The following PSME4 variants were observed in gnomAD, a reference collection of about 807,000 sequenced individuals.
PSME4 encodes proteasome activator subunit 4.
PSME4 carries 89 observed loss-of-function variants against 253.9 expected under a neutral mutation model. The ratio of observed to expected loss-of-function variants is 0.35; its 90% CI spans 0.30 to 0.42. The LOEUF (loss-of-function observed/expected upper bound fraction) is 0.42. Among genes scored for constraint, PSME4 ranks in the 10% least tolerant of loss-of-function variants. PSME4 has a pLI of 1.00. For synonymous variants in PSME4, 851 were observed against 759.2 expected (o/e 1.12, Z -1.99); for missense variants, 2,014 against 2,195.2 (o/e 0.92, Z 1.65).
chr2:53,918,191 G>A (rs1427736085), intron 20 of PSME4, among the ~76,000 whole-genome samples: 2 of 152,102 alleles, frequency 1.3e-5, no homozygotes, highest in Non-Finnish European at 2.9e-5. Context: ...AGAGGGAAGA[G>A]AGGGCACTTA....
rs973945846 is a variant in PSME4, at chr2:53,896,989, A to G, written c.3607-104T>C. On this transcript the variant is annotated intron_variant, in intron 31 of 46. Coordinates refer to ENST00000404125, the MANE Select transcript of PSME4 (RefSeq NM_014614.3). ...AATAGGATTCTGTTTCTTTAAAAAA[A>G]CACCTCGCCTATCGACATCTGGCAG... 9.4e-6 allele frequency: 8 copies of G among 849,604 alleles called. No homozygotes were observed. The African/African-American group carries it at 1.4e-4, about 14-fold the overall frequency. The allele number at this position is 849,604 out of a possible 1,614,324, so 52.6% of individuals were successfully genotyped here.
chr2:53,889,651 G>A (rs1679808282), intron 37 of PSME4, among the ~76,000 whole-genome samples: 1 of 152,178 alleles, frequency 6.6e-6, no homozygotes, highest in Non-Finnish European at 1.5e-5. Context: ...GCTGTTGTTA[G>A]CTAAATGGAT....
chr2:53,935,782 G>A (rs1342732080), intron 7 of PSME4, among the ~76,000 whole-genome samples: 1 of 151,928 alleles, frequency 6.6e-6, no homozygotes, highest in Non-Finnish European at 1.5e-5. Flanking sequence ...ATTTATATAT[G>A]TTTTTACTAA....
chr2:53,902,260 A>C, intron 27 of PSME4, among the ~76,000 whole-genome samples: 1 of 152,170 alleles, frequency 6.6e-6, no homozygotes, highest in African/African-American at 2.4e-5. Context: ...ATTAGTTAAC[A>C]CCTGGTTGCT....
At position 53,970,569 on chromosome 2, in the gene PSME4, G is replaced by A; in HGVS notation, c.216C>T (p.Gly72=). The change falls in exon 1 of 47, where the codon GGC becomes GGT. Residue 72 remains glycine, a synonymous_variant. Coordinates refer to ENST00000404125, the MANE Select transcript of PSME4 (RefSeq NM_014614.3). ...AVQLQELWPG[G]LFWTRKLSTY... The stretch of plus-strand genomic sequence containing the variant: ...TGGAGAGTTTCCTGGTCCAGAAGAG[G>A]CCCCCGGGCCACAGCTCTTGGAGCT... 6.5e-7 allele frequency: 1 copy of A among 1,548,332 alleles called. No individual in the cohort carries two copies. Among genetic ancestry groups the A allele is most frequent in the South Asian group, 1.2e-5 (1 of 83,968 alleles).
intron 36 of PSME4, 87 bp from the exon 37 acceptor site, chr2:53,890,295 A>G (rs377338472): frequency 1.2e-6 from 1 of 858,376 alleles, no homozygotes; most frequent in East Asian, 2.4e-5. Context: ...AAATGTACAC[A>G]CATACAGGTA....
chr2:53,963,015 A>C (rs534496485), intron 1 of PSME4, among the ~76,000 whole-genome samples: 1 of 151,968 alleles, frequency 6.6e-6, no homozygotes, highest in African/African-American at 2.4e-5. Flanking sequence ...GTGTCAAAAA[A>C]AAAAAAAAAA....
chr2:53,879,433 G>T (rs1384385328), intron 41 of PSME4, among the ~76,000 whole-genome samples: 1 of 152,140 alleles, frequency 6.6e-6, no homozygotes, highest in African/African-American at 2.4e-5. Flanking sequence ...GAAACTCACT[G>T]TTTATCTGGC....
At chr2:53,948,563 C>A (rs767980957) in intron 2 of PSME4, 26 bp from the exon 3 acceptor site, 8 of 1,331,992 alleles carry the variant, frequency 6.0e-6, no homozygotes, top group Non-Finnish European at 7.6e-6. Flanking sequence ...AAATAAATAC[C>A]TATGTATGCA....
intron 44 of PSME4, among the ~76,000 whole-genome samples, chr2:53,867,128 G>A (rs1212214830): frequency 3.3e-5 from 5 of 152,200 alleles, no homozygotes; most frequent in African/African-American, 4.8e-5. Flanking sequence ...GGAGGCCAAG[G>A]TAGGAGGATC....
intron 41 of PSME4, among the ~76,000 whole-genome samples, chr2:53,884,932 T>A (rs1051030329): frequency 1.3e-5 from 2 of 152,214 alleles, no homozygotes; most frequent in Non-Finnish European, 2.9e-5. Flanking sequence ...CAAAATATAC[T>A]ATAGCAAATC....
At chr2:53,914,146 G>C (rs1181450658) in intron 20 of PSME4, among the ~76,000 whole-genome samples, 2 of 152,178 alleles carry the variant, frequency 1.3e-5, no homozygotes, top group Non-Finnish European at 2.9e-5. Flanking sequence ...GGAATATTTT[G>C]AGATGAAAAA....
chr2:53,867,417 T>C (rs1474857077), intron 44 of PSME4, among the ~76,000 whole-genome samples: 1 of 151,236 alleles, frequency 6.6e-6, no homozygotes, highest in Non-Finnish European at 1.5e-5. Flanking sequence ...TGAGAATCAT[T>C]TGACCAGGGA....
At chr2:53,899,574 T>A (rs1680297206) in intron 29 of PSME4, among the ~76,000 whole-genome samples, 1 of 151,972 alleles carries the variant, frequency 6.6e-6, no homozygotes, top group South Asian at 2.1e-4. Context: ...TCCCAGCACT[T>A]TGGGAGCCCG....
intron 20 of PSME4, among the ~76,000 whole-genome samples, chr2:53,917,087 T>C (rs1305779344): frequency 5.3e-5 from 8 of 150,938 alleles, no homozygotes; most frequent in Non-Finnish European, 1.2e-4. Flanking sequence ...TATATTTTAA[T>C]CTATATATGT....
At chr2:53,867,984 C>G (rs1463741566) in intron 44 of PSME4, among the ~76,000 whole-genome samples, 1 of 151,894 alleles carries the variant, frequency 6.6e-6, no homozygotes. Flanking sequence ...ATTCTCAGTT[C>G]CTCAATAAAG....
At chr2:53,874,068 C>G (rs1385600850) in intron 43 of PSME4, among the ~76,000 whole-genome samples, 3 of 152,150 alleles carry the variant, frequency 2.0e-5, no homozygotes, top group Non-Finnish European at 4.4e-5. Flanking sequence ...CTTAAGCGAT[C>G]CTCCGACCTC....
rs1433364198 is a variant in PSME4 at position 53,920,272 on chromosome 2, A to C, written c.2341T>G (p.Phe781Val). ...TGAAGAAAGGAGTCCAAAAGATAAA[A>C]GGCAAAAGACACTTCTTCTGAAGAA... Reference protein sequence around the residue: ...VPSSEEVSFAFYLLDSFLQPE... With the variant: ...VPSSEEVSFAVYLLDSFLQPE... The change falls in exon 19 of 47, where the codon TTT becomes GTT. Residue 781 changes from phenylalanine to valine, a missense_variant. Physicochemically the swap from Phe to Val is conservative, Grantham distance 50. Coordinates refer to ENST00000404125, the MANE Select transcript of PSME4 (RefSeq NM_014614.3). 1.2e-6 allele frequency: 2 copies of C among 1,613,928 alleles called. No homozygotes were observed. Among genetic ancestry groups the C allele is most frequent in the Non-Finnish European group, 1.7e-6 (2 of 1,179,852 alleles).
At chr2:53,949,529 A>G (rs1030544644) in intron 1 of PSME4, among the ~76,000 whole-genome samples, 1 of 152,060 alleles carries the variant, frequency 6.6e-6, no homozygotes, top group Admixed American at 6.6e-5. Context: ...TGCCAGGAAG[A>G]ATGATCCCAT....
Sources: allele counts gnomAD v4.1 joint callset (sites outside exome capture counted in the v4.1 genomes callset), GRCh38; gene constraint gnomAD v4.1.1; transcripts MANE v1.5; gene names NCBI Gene and HGNC (gene_info 2026-07-23, HGNC 2026-07-21).